PTPRD: variants seen among roughly 807,000 people sequenced by gnomAD.
The protein encoded by PTPRD is receptor-type tyrosine-protein phosphatase delta.
PTPRD carries 34 observed loss-of-function variants against 214.5 expected under a neutral mutation model. That is an observed-to-expected ratio of 0.16 (90% CI 0.12 to 0.21). The LOEUF (loss-of-function observed/expected upper bound fraction) is 0.21, where lower values mean the gene tolerates loss of function less well. Ranked by LOEUF, PTPRD falls within the 10% of genes least tolerant of loss-of-function variation. The pLI is 1.00. For synonymous variants in PTPRD, 1,128 were observed against 845.7 expected, an observed-to-expected ratio of 1.33 and a Z score of -5.79; for missense variants, 2,545 against 2,398.7, an observed-to-expected ratio of 1.06 and a Z score of -1.27.
At chr9:9,414,171 A>G (rs2076328336) in intron 8 of PTPRD, among the ~76,000 whole-genome samples, 1 of 152,222 alleles carries the variant, frequency 6.6e-6, no homozygotes, top group Admixed American at 6.5e-5. Flanking sequence ...AGGTATTCTG[A>G]GTGCCTGAAA....
chr9:9,067,191 T>A (rs185119728), intron 10 of PTPRD, among the ~76,000 whole-genome samples: 1 of 152,124 alleles, frequency 6.6e-6, no homozygotes, highest in Non-Finnish European at 1.5e-5. Flanking sequence ...GATAGCACCA[T>A]TGCACTCCAG....
chr9:9,079,271 T>G (rs576384861), intron 10 of PTPRD, among the ~76,000 whole-genome samples: 1 of 152,226 alleles, frequency 6.6e-6, no homozygotes, highest in East Asian at 1.9e-4. Context: ...GATCAAATTT[T>G]TTTTAGCTTC....
chr9:10,238,697 A>G (rs2099637143), intron 3 of PTPRD, among the ~76,000 whole-genome samples: 1 of 152,018 alleles, frequency 6.6e-6, no homozygotes, highest in Admixed American at 6.6e-5. Context: ...TAAAAATTGT[A>G]GACAATAATA....
intron 9 of PTPRD, among the ~76,000 whole-genome samples, chr9:9,234,985 T>C (rs950455766): frequency 4.6e-5 from 7 of 152,152 alleles, no homozygotes; most frequent in Non-Finnish European, 1.0e-4. Context: ...AGTACCAATT[T>C]ATTGTATTAG....
At chr9:9,583,475 G>T (rs1231527395) in intron 7 of PTPRD, among the ~76,000 whole-genome samples, 1 of 151,964 alleles carries the variant, frequency 6.6e-6, no homozygotes, top group Non-Finnish European at 1.5e-5. Flanking sequence ...TTTCATGAAT[G>T]ACATTGTCAT....
At chr9:8,920,714 T>C (rs2098821562) in intron 11 of PTPRD, among the ~76,000 whole-genome samples, 1 of 152,244 alleles carries the variant, frequency 6.6e-6, no homozygotes, top group Admixed American at 6.5e-5. Context: ...AAGCTTGTTC[T>C]AAGCATTTAC....
intron 14 of PTPRD, among the ~76,000 whole-genome samples, chr9:8,580,107 T>G (rs943780106): frequency 6.6e-6 from 1 of 152,186 alleles, no homozygotes; most frequent in Admixed American, 6.5e-5. Context: ...AAATGTGTCA[T>G]GATAATGTCA....
chr9:10,570,222 A>C (rs964945467), intron 2 of PTPRD, among the ~76,000 whole-genome samples: 1 of 152,146 alleles, frequency 6.6e-6, no homozygotes, highest in Non-Finnish European at 1.5e-5. Context: ...ATTTTGATAA[A>C]TTAGAATATC....
At chr9:8,603,509 T>C (rs1447641803) in intron 14 of PTPRD, among the ~76,000 whole-genome samples, 2 of 152,160 alleles carry the variant, frequency 1.3e-5, no homozygotes, top group Admixed American at 6.6e-5. Context: ...TGAGAACTTT[T>C]TTCCTATAAC....
chr9:9,559,450 T>C (rs1238356724), intron 8 of PTPRD, among the ~76,000 whole-genome samples: 1 of 152,256 alleles, frequency 6.6e-6, no homozygotes, highest in Non-Finnish European at 1.5e-5. Context: ...GCCAAAACTA[T>C]CTGTGGTCAC....
intron 9 of PTPRD, among the ~76,000 whole-genome samples, chr9:9,283,825 C>T (rs190350021): frequency 1.3e-5 from 2 of 151,604 alleles, no homozygotes; most frequent in African/African-American, 4.8e-5. Context: ...TGATAAATAG[C>T]CCAAACTGAA....
At chr9:8,877,083 T>A (rs1323187882) in intron 11 of PTPRD, among the ~76,000 whole-genome samples, 1 of 151,990 alleles carries the variant, frequency 6.6e-6, no homozygotes, top group Admixed American at 6.6e-5. Flanking sequence ...AGTGCCACCA[T>A]GTCCAGATAA....
At chr9:8,891,373 C>G (rs979145419) in intron 11 of PTPRD, among the ~76,000 whole-genome samples, 1 of 151,842 alleles carries the variant, frequency 6.6e-6, no homozygotes, top group East Asian at 1.9e-4. Flanking sequence ...ACCTCGTGAT[C>G]CGCCCGCCTC....
At chr9:10,006,003 C>A (rs1286790475) in intron 4 of PTPRD, among the ~76,000 whole-genome samples, 2 of 151,822 alleles carry the variant, frequency 1.3e-5, no homozygotes, top group African/African-American at 4.8e-5. Context: ...CAAGGCAGGG[C>A]ATGCAATTAT....
intron 4 of PTPRD, among the ~76,000 whole-genome samples, chr9:9,948,410 A>G (rs1334940707): frequency 6.6e-6 from 1 of 152,108 alleles, no homozygotes; most frequent in Non-Finnish European, 1.5e-5. Flanking sequence ...CATTCCCAAT[A>G]TCAAACAACA....
At chr9:10,267,987 A>C (rs1343914004) in intron 3 of PTPRD, among the ~76,000 whole-genome samples, 1 of 152,162 alleles carries the variant, frequency 6.6e-6, no homozygotes, top group Non-Finnish European at 1.5e-5. Flanking sequence ...TGCTAAAAAA[A>C]TAGTGATTAA....
chr9:8,411,792 C>T (rs541430932), intron 35 of PTPRD, among the ~76,000 whole-genome samples: 10 of 152,110 alleles, frequency 6.6e-5, no homozygotes, highest in Non-Finnish European at 1.3e-4. Context: ...AAGAGATGGA[C>T]AGATTTATAG....
chr9:8,685,062 A>G (rs1419226175), intron 12 of PTPRD, among the ~76,000 whole-genome samples: 2 of 152,100 alleles, frequency 1.3e-5, no homozygotes, highest in African/African-American at 4.8e-5. Context: ...TTCTGTCCTG[A>G]TATTTTTCAA....
chr9:8,801,059 T>C (rs922289489), intron 11 of PTPRD, among the ~76,000 whole-genome samples: 1 of 152,186 alleles, frequency 6.6e-6, no homozygotes, highest in Admixed American at 6.5e-5. Flanking sequence ...AGGATTAAGA[T>C]GTGCAAAAAA....
Sources: gnomAD v4.1 joint callset for allele counts (sites outside exome capture counted in the v4.1 genomes callset) on GRCh38, gnomAD v4.1.1 for gene constraint, MANE v1.5 for transcripts, NCBI Gene and HGNC (gene_info 2026-07-23, HGNC 2026-07-21) for gene names.